The following RIN2 variants were observed in gnomAD, a reference collection of about 807,000 sequenced individuals.
The protein encoded by RIN2 is RAB5 interacting protein 2.
In RIN2, 36 loss-of-function variants were observed where a neutral mutation model predicts 78.0. The ratio of observed to expected loss-of-function variants is 0.46; its 90% CI spans 0.35 to 0.61. RIN2 has a LOEUF of 0.61. Ranked by LOEUF, RIN2 falls within the 20% of genes least tolerant of loss-of-function variation. The pLI, the probability that RIN2 is intolerant of heterozygous loss-of-function variation, is 0.00. For missense variants in RIN2, 1,087 were observed against 1,159.7 expected (o/e 0.94, Z 0.91); for synonymous variants, 466 against 466.8 (o/e 1.00, Z 0.02).
intron 9 of RIN2, among the ~76,000 whole-genome samples, chr20:19,986,315 T>A (rs2042621284): frequency 6.6e-6 from 1 of 152,008 alleles, no homozygotes; most frequent in Non-Finnish European, 1.5e-5. Context: ...TTATGTTTAT[T>A]AAGGATTTGG....
intron 4 of RIN2, among the ~76,000 whole-genome samples, chr20:19,941,246 C>T (rs927135003): frequency 1.3e-5 from 2 of 152,142 alleles, no homozygotes; most frequent in Non-Finnish European, 2.9e-5. Context: ...GACATTATAA[C>T]CACAGGAAAC....
intron 2 of RIN2, among the ~76,000 whole-genome samples, chr20:19,888,732 C>T (rs542009611): frequency 3.3e-5 from 5 of 152,328 alleles, no homozygotes; most frequent in African/African-American, 1.2e-4. Context: ...TTTGGGGTTG[C>T]TCCCCCAGGC....
intron 2 of RIN2, among the ~76,000 whole-genome samples, chr20:19,876,131 T>A (rs2037848542): frequency 6.6e-6 from 1 of 152,226 alleles, no homozygotes; most frequent in Non-Finnish European, 1.5e-5. Flanking sequence ...TCGTACTTTT[T>A]TCTAGACAGA....
chr20:19,778,896 T>C (rs1158975021), intron 1 of RIN2, among the ~76,000 whole-genome samples: 1 of 152,130 alleles, frequency 6.6e-6, no homozygotes, highest in Admixed American at 6.5e-5. Context: ...ACTCCTGGGA[T>C]TCCCCTTCTC....
intron 12 of RIN2, among the ~76,000 whole-genome samples, chr20:19,998,429 T>A (rs544295661): frequency 2.5e-4 from 38 of 152,018 alleles, no homozygotes; most frequent in Non-Finnish European, 5.1e-4. Context: ...AGACTCCATC[T>A]CGACAAAACA....
chr20:20,000,715 G>A lies in RIN2; in HGVS notation c.2467G>A (p.Ala823Thr), dbSNP rs762026968. 6.8e-6 allele frequency: 11 copies of A among 1,613,940 alleles called. No individual in the cohort carries two copies. The highest frequency in any genetic ancestry group is 2.2e-5 in the South Asian group (2 of 91,076). Residue 823 changes from alanine to threonine, a missense_variant, in exon 13 of 13, where the codon GCT (alanine) becomes ACT (threonine). Ala to Thr is a moderately conservative substitution (Grantham distance 58). Coordinates refer to ENST00000255006, the MANE Select transcript of RIN2 (RefSeq NM_018993.4). ...CACTGAGGATGTGTGTCAGATCTGC[G>A]CTGAGAAGTTCAAGGTGGGGGACCC... Reference protein sequence around the residue: ...ITTEDVCQICAEKFKVGDPEE... With the variant: ...ITTEDVCQICTEKFKVGDPEE...
At chr20:19,954,457 T>C (rs2146224483) in intron 4 of RIN2, among the ~76,000 whole-genome samples, 1 of 152,274 alleles carries the variant, frequency 6.6e-6, no homozygotes, top group East Asian at 1.9e-4. Context: ...GTGTCAGTTC[T>C]GAGTTTGGTA....
At position 19,913,766 on chromosome 20, in the gene RIN2, T is replaced by C. The variant is rs150876032; in HGVS notation, c.58-21333T>C. Reference sequence around the variant, plus strand: ...TTTGTAGCATATGTTATAATTTTCTTCCTTTTTAAGGCTGAATAATATTCC... The same window carrying C: ...TTTGTAGCATATGTTATAATTTTCTCCCTTTTTAAGGCTGAATAATATTCC... On this transcript the variant is annotated intron_variant, in intron 3 of 12. Transcript: ENST00000255006. Among the ~76,000 whole-genome samples, 1,308 of 152,330 alleles carry C rather than the reference T, an allele frequency of 8.6e-3. 12 individuals are homozygous for C. The highest frequency in any genetic ancestry group is 0.013 in the Non-Finnish European group (896 of 68,040).
chr20:19,900,587 G>A (rs2038933749), intron 3 of RIN2, among the ~76,000 whole-genome samples: 1 of 151,318 alleles, frequency 6.6e-6, no homozygotes, highest in African/African-American at 2.4e-5. Flanking sequence ...CCAGGAATTA[G>A]AGACCACCCT....
chr20:20,002,073 C>T lies in RIN2; in HGVS notation c.*1137C>T, dbSNP rs2043155023. On this transcript the variant is annotated 3_prime_UTR_variant, in exon 13 of 13. Transcript: ENST00000255006. ...AGAAACCAAGTAATGTATAATGTGG[C>T]TTTTGTTGAGTTAAATAAGATGCTA... 1.3e-5 allele frequency: 2 copies of T among 152,222 alleles called. No individual in the cohort carries two copies. The highest frequency in any genetic ancestry group is 4.8e-5 in the African/African-American group (2 of 41,396). The allele number at this position is 152,222 out of a possible 1,614,324, so 9.4% of individuals were successfully genotyped here.
intron 1 of RIN2, among the ~76,000 whole-genome samples, chr20:19,783,176 T>C (rs887430318): frequency 2.0e-5 from 3 of 152,254 alleles, no homozygotes; most frequent in African/African-American, 7.2e-5. Flanking sequence ...ATATTTGTTA[T>C]ATTAGAGTTG....
chr20:19,939,050 T>C (rs962597220), intron 4 of RIN2, among the ~76,000 whole-genome samples: 5 of 152,202 alleles, frequency 3.3e-5, no homozygotes, highest in Non-Finnish European at 7.3e-5. Context: ...CTCTACCTTT[T>C]ATTTTTCTTT....
chr20:19,972,161 C>T (rs946169451), intron 8 of RIN2, among the ~76,000 whole-genome samples: 1 of 152,150 alleles, frequency 6.6e-6, no homozygotes, highest in Admixed American at 6.5e-5. Flanking sequence ...GCCATAGAAA[C>T]GTCCCTATTT....
intron 11 of RIN2, among the ~76,000 whole-genome samples, chr20:19,995,206 G>A (rs557335379): frequency 9.0e-5 from 13 of 144,018 alleles, no homozygotes; most frequent in Non-Finnish European, 1.5e-4. Context: ...AACTCATTTC[G>A]CCAAACTAAC....
chr20:19,934,505 A>G, intron 3 of RIN2: 1 of 984,344 alleles, frequency 1.0e-6, no homozygotes, highest in Non-Finnish European at 1.2e-6. Flanking sequence ...CCTCCTCCCC[A>G]CTCATCCACC....
intron 1 of RIN2, among the ~76,000 whole-genome samples, chr20:19,760,829 C>T (rs1158098131): frequency 6.6e-6 from 1 of 152,194 alleles, no homozygotes; most frequent in African/African-American, 2.4e-5. Flanking sequence ...ATTTCCCCGA[C>T]CCTGTCCTCC....
intron 2 of RIN2, among the ~76,000 whole-genome samples, chr20:19,860,654 A>G (rs531764928): frequency 6.6e-6 from 1 of 152,268 alleles, no homozygotes; most frequent in South Asian, 2.1e-4. Context: ...CAGATTGCCT[A>G]GTTGTCTTCT....
chr20:19,996,925 C>T, intron 12 of RIN2, 83 bp downstream of exon 12: 4 of 1,359,154 alleles, frequency 2.9e-6, no homozygotes, highest in Non-Finnish European at 4.0e-6. Flanking sequence ...GCTCAGAGGT[C>T]CCCACTGTGT....
chr20:19,964,713 CT>C (rs1290391206), intron 6 of RIN2, among the ~76,000 whole-genome samples: 2 of 152,146 alleles, frequency 1.3e-5, no homozygotes, highest in Non-Finnish European at 2.9e-5. Flanking sequence ...CTGTCCTGGT[CT>C]GTTTACCAAG....
Sources: allele counts gnomAD v4.1 joint callset (sites outside exome capture counted in the v4.1 genomes callset), GRCh38; gene constraint gnomAD v4.1.1; transcripts MANE v1.5; gene names NCBI Gene and HGNC (gene_info 2026-07-23, HGNC 2026-07-21).